INPP4B: variants seen among roughly 807,000 people sequenced by gnomAD.
INPP4B encodes inositol polyphosphate-4-phosphatase type II B.
Under a neutral mutation model 122.5 loss-of-function variants are expected in INPP4B, and 55 were observed. The observed-to-expected ratio is 0.45, with a 90% CI of 0.36 to 0.56. INPP4B has a LOEUF of 0.56. INPP4B is among the 20% of genes least tolerant of loss of function. The pLI is 0.00. For synonymous variants in INPP4B, 403 were observed against 388.7 expected (o/e 1.04, Z -0.43); for missense variants, 1,000 against 1,097.7 (o/e 0.91, Z 1.26).
At chr4:142,445,690 CCTAA>C (rs1472489974) in intron 3 of INPP4B, among the ~76,000 whole-genome samples, 1 of 152,096 alleles carries the variant, frequency 6.6e-6, no homozygotes, top group Non-Finnish European at 1.5e-5. Context: ...AACAACTTGA[CCTAA>C]CTGACACTTA....
At chr4:142,749,715 A>G (rs939584221) in intron 1 of INPP4B, among the ~76,000 whole-genome samples, 1 of 152,060 alleles carries the variant, frequency 6.6e-6, no homozygotes, top group Non-Finnish European at 1.5e-5. Flanking sequence ...TTGGAAGAAT[A>G]ACCCAGATAA....
intron 23 of INPP4B, among the ~76,000 whole-genome samples, chr4:142,105,825 A>G (rs1786784538): frequency 6.6e-6 from 1 of 152,180 alleles, no homozygotes; most frequent in Non-Finnish European, 1.5e-5. Flanking sequence ...ACTATGAAAG[A>G]AGGAAAATAA....
chr4:142,226,606 AT>A (rs893694944), intron 12 of INPP4B, among the ~76,000 whole-genome samples: 1 of 152,182 alleles, frequency 6.6e-6, no homozygotes, highest in African/African-American at 2.4e-5. Context: ...ATTTTATAAC[AT>A]TTTCAATCAG....
chr4:142,811,891 T>C (rs1331347128), intron 1 of INPP4B, among the ~76,000 whole-genome samples: 1 of 152,170 alleles, frequency 6.6e-6, no homozygotes, highest in Non-Finnish European at 1.5e-5. Context: ...TCTCAAAATA[T>C]TATGCAATCA....
chr4:142,351,274 G>T (rs1781846151), intron 7 of INPP4B, among the ~76,000 whole-genome samples: 1 of 151,926 alleles, frequency 6.6e-6, no homozygotes. Flanking sequence ...TAACTCCAAA[G>T]TCTTCTCTCT....
chr4:142,065,392 C>G (rs910340770), intron 25 of INPP4B, among the ~76,000 whole-genome samples: 1 of 152,128 alleles, frequency 6.6e-6, no homozygotes, highest in Non-Finnish European at 1.5e-5. Context: ...TGTACAAATA[C>G]AATCACACAT....
At chr4:142,176,428 T>C (rs1029162167) in intron 15 of INPP4B, among the ~76,000 whole-genome samples, 4 of 152,028 alleles carry the variant, frequency 2.6e-5, no homozygotes, top group Admixed American at 2.6e-4. Flanking sequence ...ATCCATTCCA[T>C]TTTACTCCTA....
At chr4:142,442,798 G>C (rs1425590999) in intron 3 of INPP4B, among the ~76,000 whole-genome samples, 1 of 152,156 alleles carries the variant, frequency 6.6e-6, no homozygotes, top group East Asian at 1.9e-4. Context: ...TGATAATAAA[G>C]ACATACCTGA....
intron 1 of INPP4B, among the ~76,000 whole-genome samples, chr4:142,832,056 T>C (rs539916706): frequency 6.6e-6 from 1 of 152,188 alleles, no homozygotes; most frequent in Non-Finnish European, 1.5e-5. Flanking sequence ...CAATCCAGCA[T>C]GTACAGTGGT....
chr4:142,309,450 T>A (rs928672637), intron 8 of INPP4B, among the ~76,000 whole-genome samples: 6 of 152,152 alleles, frequency 3.9e-5, no homozygotes, highest in Non-Finnish European at 8.8e-5. Context: ...TAGCTGTTAG[T>A]AGTATTAGAT....
chr4:142,625,237 T>G (rs1320125908), intron 2 of INPP4B, among the ~76,000 whole-genome samples: 3 of 151,870 alleles, frequency 2.0e-5, no homozygotes, highest in Admixed American at 6.6e-5. Flanking sequence ...AAAACCCCAT[T>G]GTCTCAGCCC....
At chr4:142,339,015 C>G (rs1487644424) in intron 7 of INPP4B, among the ~76,000 whole-genome samples, 1 of 152,142 alleles carries the variant, frequency 6.6e-6, no homozygotes, top group Admixed American at 6.5e-5. Context: ...CTGCCCTTTG[C>G]TGTCTTCCTG....
intron 2 of INPP4B, among the ~76,000 whole-genome samples, chr4:142,638,546 C>CTTTTTTTTT (rs3080813): frequency 7.4e-6 from 1 of 134,316 alleles, no homozygotes; most frequent in Non-Finnish European, 1.6e-5. Flanking sequence ...TGTCTATTCT[C>CTTTTTTTTT]TTTTTTTTTT....
chr4:142,316,828 G>T (rs1767884745), intron 7 of INPP4B, among the ~76,000 whole-genome samples: 1 of 152,146 alleles, frequency 6.6e-6, no homozygotes, highest in Non-Finnish European at 1.5e-5. Flanking sequence ...ATGGTACATA[G>T]GTTATAACAG....
intron 21 of INPP4B, among the ~76,000 whole-genome samples, chr4:142,118,994 C>G (rs1795204603): frequency 6.6e-6 from 1 of 152,120 alleles, no homozygotes; most frequent in Non-Finnish European, 1.5e-5. Context: ...AGGATATGAA[C>G]AGACACTTCT....
chr4:142,354,120 A>G (rs1202084348), intron 7 of INPP4B, among the ~76,000 whole-genome samples: 1 of 151,972 alleles, frequency 6.6e-6, no homozygotes, highest in Non-Finnish European at 1.5e-5. Context: ...AAAGATCTCA[A>G]ATGCAATAGC....
upstream of INPP4B, chr4:142,846,365 C>CGGA (rs1210889263): frequency 6.6e-6 from 1 of 152,308 alleles, no homozygotes; most frequent in African/African-American, 2.4e-5. The surrounding 1 kb of genome is among the most constrained non-coding windows in gnomAD (Gnocchi z 5.1). Context: ...GCTGAGAACC[C>CGGA]GGAGGAAACT....
At position 142,489,096 on chromosome 4, in the gene INPP4B, G is replaced by T. The variant is rs534400492; in HGVS notation, c.-190-26370C>A. ...TGAAGCATTTTCTAATTTTCTCTGG[G>T]ATTTCTTCTTTGACCCACAAATTAT... On this transcript the variant is annotated intron_variant, in intron 2 of 25. Transcript: ENST00000262992. 5.9e-5 allele frequency among the ~76,000 whole-genome samples: 9 copies of T among 152,068 alleles called. No homozygotes were observed. The South Asian group carries it at 1.9e-3, about 32-fold the overall frequency.
At chr4:142,199,957 G>A (rs989458658) in intron 14 of INPP4B, among the ~76,000 whole-genome samples, 3 of 151,998 alleles carry the variant, frequency 2.0e-5, no homozygotes, top group African/African-American at 7.2e-5. Context: ...TCCTTTTTCT[G>A]CTTAAACTTT....
Sources: gnomAD v4.1 joint callset for allele counts (sites outside exome capture counted in the v4.1 genomes callset) on GRCh38, gnomAD v4.1.1 for gene constraint, Gnocchi (gnomAD v3.1) non-coding constraint, MANE v1.5 for transcripts, NCBI Gene and HGNC (gene_info 2026-07-23, HGNC 2026-07-21) for gene names.